The following STARD9 variants were observed in gnomAD, a reference collection of about 807,000 sequenced individuals.
STARD9 encodes stAR-related lipid transfer protein 9.
Under a neutral mutation model 399.8 loss-of-function variants are expected in STARD9, and 346 were observed. The ratio of observed to expected loss-of-function variants is 0.87; its 90% CI spans 0.79 to 0.95. The LOEUF (loss-of-function observed/expected upper bound fraction) is 0.95. STARD9 is among the 40% of genes least tolerant of loss of function. The pLI, the probability that STARD9 is intolerant of heterozygous loss-of-function variation, is 0.00. For synonymous variants in STARD9, 2,203 were observed against 2,143.5 expected (o/e 1.03, Z -0.77); for missense variants, 5,832 against 5,667.5 (o/e 1.03, Z -0.93).
At chr15:42,636,056 G>A (rs1243259165) in intron 4 of STARD9, among the ~76,000 whole-genome samples, 10 of 152,150 alleles carry the variant, frequency 6.6e-5, no homozygotes, top group Non-Finnish European at 1.3e-4. Context: ...AACACTTTGG[G>A]GTGGCTGAGG....
intron 3 of STARD9, among the ~76,000 whole-genome samples, chr15:42,588,597 T>C (rs2058328012): frequency 6.6e-6 from 1 of 151,978 alleles, no homozygotes; most frequent in African/African-American, 2.4e-5. Flanking sequence ...AGGACTCATA[T>C]CTACATGATA....
At chr15:42,680,381 C>T (rs2060402907) in intron 20 of STARD9, among the ~76,000 whole-genome samples, 1 of 152,106 alleles carries the variant, frequency 6.6e-6, no homozygotes. Context: ...GGGGAGATCA[C>T]TTGAGGTAAG....
rs866926503 is a variant in STARD9, at chr15:42,712,826, C to T, written c.13285-3851C>T. On this transcript the variant is annotated intron_variant, in intron 26 of 32. Transcript: ENST00000290607. The stretch of plus-strand genomic sequence containing the variant: ...GGATGACAGGTGTGAGCTGTTGCAC[C>T]CAGCCTCACACTGTCTTCTTTACTG... Among the ~76,000 whole-genome samples the T allele has an allele frequency of 6.5e-4, 99 of 152,254 alleles. 1 individual carries two copies. The Middle Eastern group carries it at 0.017, about 26-fold the overall frequency.
In STARD9 at chr15:42,689,360, TCA is replaced by T; in HGVS notation, c.7783_7784del (p.Gln2595ValfsTer2). ...ECSSRVAGRP[Q>X]CKQIDQSSSD... ...GTTCTTCAAGGGTTGCTGGCAGGCC[TCA>T]GTGTAAACAAATAGACCAGTCATCA... is the stretch of plus-strand genomic sequence containing the variant. On this transcript the variant is annotated frameshift_variant, in exon 23 of 33. Transcript: ENST00000290607. LOFTEE classifies it high-confidence loss of function. 6.5e-7 allele frequency: 1 copy of T among 1,537,276 alleles called. No homozygotes were observed. The highest frequency in any genetic ancestry group is 1.4e-5 in the African/African-American group (1 of 73,166).
At chr15:42,603,364 C>T (rs762907337) in intron 3 of STARD9, among the ~76,000 whole-genome samples, 14 of 152,062 alleles carry the variant, frequency 9.2e-5, no homozygotes, top group South Asian at 4.1e-4. Context: ...CTGTGATCCT[C>T]TCAGCCTCCC....
chr15:42,664,247 G>A (rs139776300), intron 13 of STARD9, among the ~76,000 whole-genome samples: 23 of 152,258 alleles, frequency 1.5e-4, no homozygotes, highest in African/African-American at 5.1e-4. Flanking sequence ...GTCTCACTCT[G>A]TCACCCAGGC....
rs1224015175 is a variant in STARD9 at position 42,689,604 on chromosome 15, A to G, written c.8026A>G (p.Lys2676Glu). ...FSHAAPAQDR[K>E]RRTGELRQFA... ...CCATGCTGCTCCTGCTCAAGACAGG[A>G]AACGTCGTACTGGAGAACTGAGGCA... The change falls in exon 23 of 33, where the codon AAA (lysine) becomes GAA (glutamate). Residue 2676 changes from lysine (K) to glutamate (E), a missense_variant. Coordinates refer to ENST00000290607, the MANE Select transcript of STARD9 (RefSeq NM_020759.3). 2 of 1,537,312 alleles carry G rather than the reference A, an allele frequency of 1.3e-6. No individual in the cohort carries two copies.
intron 29 of STARD9, 46 bp downstream of exon 29, chr15:42,717,841 T>C (rs552741284): frequency 2.6e-6 from 4 of 1,525,332 alleles, no homozygotes; most frequent in Non-Finnish European, 2.6e-6. Context: ...CTTGGTAAGC[T>C]TGTCACCCTG....
chr15:42,592,643 C>G (rs1470041223), intron 3 of STARD9, among the ~76,000 whole-genome samples: 1 of 152,064 alleles, frequency 6.6e-6, no homozygotes, highest in Middle Eastern at 3.2e-3. Flanking sequence ...CGGGTTTCTC[C>G]ATGTTGGCCA....
In STARD9 at chr15:42,717,035, C is replaced by T. The variant is rs1475019252; in HGVS notation, c.13481C>T (p.Thr4494Ile). ...GATTTGGCCAAGCATGTCGTGGACA[C>T]TTCTATGGCTGATGTGAGTAACTGC... The part of the protein sequence containing the change: ...YQDLAKHVVD[T>I]SMADVMAACS... The change falls in exon 28 of 33, where the codon ACT becomes ATT. Residue 4494 changes from threonine (T) to isoleucine (I), a missense_variant. Coordinates refer to ENST00000290607, the MANE Select transcript of STARD9 (RefSeq NM_020759.3). 3 of 1,537,110 alleles carry T rather than the reference C, an allele frequency of 2.0e-6. No individual in the cohort carries two copies. The East Asian group carries it at 7.3e-5, about 38-fold the overall frequency.
intron 3 of STARD9, among the ~76,000 whole-genome samples, chr15:42,589,589 G>A (rs1247457590): frequency 6.6e-6 from 1 of 151,496 alleles, no homozygotes; most frequent in African/African-American, 2.4e-5. Context: ...CACTTTGCGT[G>A]ATGTATTTGA....
intron 16 of STARD9, chr15:42,671,156 G>A (rs1329047893): frequency 1.7e-5 from 2 of 120,380 alleles, no homozygotes; most frequent in Non-Finnish European, 3.2e-5. Context: ...TTTTTGAGAC[G>A]GAGTCTTGCT....
chr15:42,674,392 G>C (rs1324335937), intron 16 of STARD9, 48 bp from the exon 17 acceptor site: 1 of 1,426,794 alleles, frequency 7.0e-7, no homozygotes. Context: ...GTAGGGCAAG[G>C]CTCTGTCCCT....
chr15:42,715,167 G>A (rs2061327909), intron 26 of STARD9, among the ~76,000 whole-genome samples: 1 of 152,094 alleles, frequency 6.6e-6, no homozygotes, highest in East Asian at 1.9e-4. Flanking sequence ...CTAAGTCAAA[G>A]CTTGCTGAGA....
At position 42,688,384 on chromosome 15, in the gene STARD9, C is replaced by T. The variant is rs770272567; in HGVS notation, c.6806C>T (p.Pro2269Leu). The change falls in exon 23 of 33, where the codon CCA becomes CTA. Residue 2269 changes from proline to leucine, a missense_variant. Coordinates refer to ENST00000290607, the MANE Select transcript of STARD9 (RefSeq NM_020759.3). Reference protein sequence around the residue: ...EHVSSSNQEEPKAQGKVEEMP... With the variant: ...EHVSSSNQEELKAQGKVEEMP... ...GTAAGTAGTTCCAACCAAGAAGAGC[C>T]AAAAGCTCAAGGTAAAGTTGAAGAA... 16 of 1,537,362 alleles carry T rather than the reference C, an allele frequency of 1.0e-5. No individual in the cohort carries two copies. The South Asian group carries it at 1.9e-4, about 18-fold the overall frequency.
intron 22 of STARD9, among the ~76,000 whole-genome samples, chr15:42,683,262 T>C (rs2060474116): frequency 6.6e-6 from 1 of 152,240 alleles, no homozygotes; most frequent in Non-Finnish European, 1.5e-5. Flanking sequence ...AAGTACCAGG[T>C]GGGCTTTTTA....
Position 42,689,463 on chromosome 15 carries a change from G to C in STARD9, c.7885G>C (p.Asp2629His). 4 of 1,537,336 alleles carry C rather than the reference G, an allele frequency of 2.6e-6. No homozygotes were observed. Among genetic ancestry groups the C allele is most frequent in the Non-Finnish European group, 3.5e-6 (4 of 1,146,942 alleles). Reference sequence around the variant, plus strand: ...TCTATCTGCTGAAGCAGGGCAGATAGATCTGTTACCTGATGAGAGGAAAGT... The same window carrying C: ...TCTATCTGCTGAAGCAGGGCAGATACATCTGTTACCTGATGAGAGGAAAGT... Reference protein sequence around the residue: ...ASLSAEAGQIDLLPDERKVQA... With the variant: ...ASLSAEAGQIHLLPDERKVQA... The change falls in exon 23 of 33, where the codon GAT (aspartate) becomes CAT (histidine). Residue 2629 changes from aspartate (D) to histidine (H), a missense_variant. Asp to His is a moderately conservative substitution (Grantham distance 81, BLOSUM62 -1). Coordinates refer to ENST00000290607, the MANE Select transcript of STARD9 (RefSeq NM_020759.3).
At chr15:42,610,001 G>A (rs956769206) in intron 3 of STARD9, among the ~76,000 whole-genome samples, 6 of 152,196 alleles carry the variant, frequency 3.9e-5, no homozygotes, top group South Asian at 2.1e-4. Flanking sequence ...GCTGAGGCAG[G>A]AGAATCACTT....
intron 18 of STARD9, chr15:42,675,414 A>G (rs755384675): frequency 8.5e-5 from 44 of 517,790 alleles, no homozygotes; most frequent in Non-Finnish European, 1.4e-4. Flanking sequence ...CTCCTCTTCC[A>G]TCAAGTGTTC....
Sources: allele counts gnomAD v4.1 joint callset (sites outside exome capture counted in the v4.1 genomes callset), GRCh38; gene constraint gnomAD v4.1.1; transcripts MANE v1.5; gene names NCBI Gene and HGNC (gene_info 2026-07-23, HGNC 2026-07-21).